Variants in NUP214 observed in about 807,000 individuals in gnomAD.
NUP214 encodes the protein nucleoporin 214, also known as nuclear pore complex protein Nup214.
A neutral mutation model predicts 196.2 loss-of-function variants in NUP214; 79 were observed. The ratio of observed to expected loss-of-function variants is 0.40; its 90% CI spans 0.34 to 0.49. The LOEUF is 0.49. NUP214 is among the 20% of genes least tolerant of loss of function. The pLI, the probability that NUP214 is intolerant of heterozygous loss-of-function variation, is 0.58. For synonymous variants in NUP214, 1,020 were observed against 990.5 expected, an observed-to-expected ratio of 1.03 and a Z score of -0.56; for missense variants, 2,468 against 2,539.0, an observed-to-expected ratio of 0.97 and a Z score of 0.60.
At chr9:131,151,555 A>G (rs946755692) in intron 16 of NUP214, among the ~76,000 whole-genome samples, 181 bp from the exon 17 acceptor site, 9 of 152,248 alleles carry the variant, frequency 5.9e-5, no homozygotes, top group African/African-American at 2.2e-4. Context: ...TGAAAAATAA[A>G]TATAAAAAAA....
Position 131,129,400 on chromosome 9 carries a change from G to C in NUP214, c.515G>C (p.Gly172Ala). ...ATGGTGGCAGTTTGTCTGGCTGATG[G>C]TAGTATTGCTGTCCTGCAAGTCACG... is the stretch of plus-strand genomic sequence containing the variant. The part of the protein sequence containing the change: ...PSMVAVCLAD[G>A]SIAVLQVTET... Residue 172 changes from glycine (G) to alanine (A), a missense_variant, in exon 4 of 36, where the codon GGT (glycine) becomes GCT (alanine). This residue lies in a region of NUP214 where 392 missense variants were observed against 417.9 expected (regional missense o/e 0.94). Coordinates refer to ENST00000359428, the MANE Select transcript of NUP214 (RefSeq NM_005085.4). The C allele has an allele frequency of 6.2e-7, 1 of 1,614,186 alleles. No individual in the cohort carries two copies. Among genetic ancestry groups the C allele is most frequent in the South Asian group, 1.1e-5 (1 of 91,086 alleles).
intron 21 of NUP214, chr9:131,164,520 G>A (rs1218359966): frequency 6.1e-6 from 1 of 164,066 alleles, no homozygotes; most frequent in African/African-American, 2.4e-5. Flanking sequence ...TGGGTTTTGA[G>A]TAAGTTTGCA....
intron 24 of NUP214, among the ~76,000 whole-genome samples, chr9:131,183,473 G>A (rs1360041605): frequency 1.3e-5 from 2 of 152,168 alleles, no homozygotes; most frequent in Non-Finnish European, 2.9e-5. Context: ...TCATTCCTGT[G>A]TCTGGTCCCA....
Position 131,125,597 on chromosome 9 carries a change from C to G in NUP214, c.-108C>G. 1.3e-6 allele frequency: 2 copies of G among 1,548,108 alleles called. No homozygotes were observed. Among genetic ancestry groups the G allele is most frequent in the Non-Finnish European group, 1.7e-6 (2 of 1,145,006 alleles). ...CGCGCCGGAAATGCGAGGTCAACTG[C>G]GCGCCGCTGGCGCTGAGGGGAGGAA... On this transcript the variant is annotated 5_prime_UTR_variant, in exon 1 of 36. Transcript: ENST00000359428. This position sits in a 1 kb window ranked among gnomAD's most constrained non-coding sequence, Gnocchi z 4.1.
At chr9:131,156,155 C>T (rs1832432141) in intron 17 of NUP214, among the ~76,000 whole-genome samples, 1 of 117,558 alleles carries the variant, frequency 8.5e-6, no homozygotes, top group Non-Finnish European at 1.7e-5. Context: ...TTTTTTGAGA[C>T]GGAGTCTTGC....
At chr9:131,128,066 C>A (rs1023018180) in intron 2 of NUP214, among the ~76,000 whole-genome samples, 4 of 152,148 alleles carry the variant, frequency 2.6e-5, no homozygotes, top group African/African-American at 9.7e-5. Flanking sequence ...GCAAGGTGTA[C>A]TATTTAGAGC....
At chr9:131,208,220 G>C (rs1383217786) in intron 30 of NUP214, among the ~76,000 whole-genome samples, 1 of 152,122 alleles carries the variant, frequency 6.6e-6, no homozygotes, top group Non-Finnish European at 1.5e-5. Context: ...ATTCTGCTCT[G>C]GGGTAGAATA....
At chr9:131,170,506 G>A (rs1012113905) in intron 21 of NUP214, among the ~76,000 whole-genome samples, 4 of 152,112 alleles carry the variant, frequency 2.6e-5, no homozygotes, top group African/African-American at 4.8e-5. Context: ...TGTTTTCTGC[G>A]TGGGAGACAT....
intron 5 of NUP214, among the ~76,000 whole-genome samples, chr9:131,131,452 G>A (rs887859159): frequency 6.6e-6 from 1 of 152,220 alleles, no homozygotes; most frequent in Non-Finnish European, 1.5e-5. Context: ...TTCACAGGTG[G>A]TGCTAAGGCC....
At chr9:131,155,812 G>A (rs1025918423) in intron 17 of NUP214, among the ~76,000 whole-genome samples, 3 of 152,064 alleles carry the variant, frequency 2.0e-5, no homozygotes, top group Non-Finnish European at 4.4e-5. Flanking sequence ...TTATTTCTGG[G>A]TTCTCTATTC....
At chr9:131,180,360 T>TC (rs1205488769) in intron 24 of NUP214, among the ~76,000 whole-genome samples, 1 of 152,186 alleles carries the variant, frequency 6.6e-6, no homozygotes, top group African/African-American at 2.4e-5. Flanking sequence ...CTGCCACCCC[T>TC]CCCCAGGAAA....
Position 131,192,292 on chromosome 9 carries a change from G to A in NUP214, c.3659G>A (p.Gly1220Glu), listed in dbSNP as rs1264077836. Residue 1220 changes from glycine (G) to glutamate (E), a missense_variant and splice_region_variant, in exon 27 of 36, where the codon GGG becomes GAG. Gly to Glu is a moderately conservative substitution (Grantham distance 98). Coordinates refer to ENST00000359428, the MANE Select transcript of NUP214 (RefSeq NM_005085.4). The part of the protein sequence containing the change: ...FSKPFSFSPS[G>E]TGFNFGIITP... ...AAGCCTTTCTCATTTTCTCCATCAG[G>A]GTCAGTAATGAACTTAAGTTTTATG... 4 of 1,564,796 alleles carry A rather than the reference G, an allele frequency of 2.6e-6. No individual in the cohort carries two copies. The highest frequency in any genetic ancestry group is 1.2e-5 in the South Asian group (1 of 86,508).
At chr9:131,227,307 C>G (rs905118810) in intron 32 of NUP214, among the ~76,000 whole-genome samples, 1 of 152,218 alleles carries the variant, frequency 6.6e-6, no homozygotes, top group Non-Finnish European at 1.5e-5. Context: ...CTCTGGCAGC[C>G]TGAGCCCACT....
chr9:131,206,354 C>T (rs545283867), intron 30 of NUP214, among the ~76,000 whole-genome samples: 50 of 151,600 alleles, frequency 3.3e-4, no homozygotes, highest in Non-Finnish European at 5.9e-4. Context: ...ACATGTTGCC[C>T]AGGCTGGTCT....
intron 21 of NUP214, among the ~76,000 whole-genome samples, chr9:131,166,503 T>TG (rs1459657591): frequency 5.0e-4 from 76 of 152,340 alleles, no homozygotes; most frequent in Middle Eastern, 3.4e-3. Flanking sequence ...ATTAAGCAGA[T>TG]AACTGCACAT....
At chr9:131,230,534 G>A (rs759309109) in intron 33 of NUP214, 96 bp from the exon 34 acceptor site, 28 of 1,426,554 alleles carry the variant, frequency 2.0e-5, no homozygotes, top group Middle Eastern at 2.5e-4. Flanking sequence ...CATGAGTGTC[G>A]TGTGTATTGG....
intron 24 of NUP214, among the ~76,000 whole-genome samples, chr9:131,183,083 C>T (rs1833333373): frequency 6.6e-6 from 1 of 152,184 alleles, no homozygotes; most frequent in South Asian, 2.1e-4. Flanking sequence ...AGTTGACTAT[C>T]TTTCCTCCCC....
At chr9:131,145,820 A>C (rs907104290) in intron 12 of NUP214, among the ~76,000 whole-genome samples, 3 of 152,080 alleles carry the variant, frequency 2.0e-5, no homozygotes, top group Non-Finnish European at 4.4e-5. Context: ...CCTGTTTAAA[A>C]CTCAGCTGGA....
chr9:131,143,999 A>T (rs1832007059), intron 11 of NUP214, among the ~76,000 whole-genome samples: 1 of 152,202 alleles, frequency 6.6e-6, no homozygotes, highest in Non-Finnish European at 1.5e-5. Flanking sequence ...TTGTTAATGA[A>T]ATGTTGCAGT....
Sources: allele counts gnomAD v4.1 joint callset (sites outside exome capture counted in the v4.1 genomes callset), GRCh38; gene constraint gnomAD v4.1.1; regional missense constraint gnomAD v4.1.1; non-coding constraint Gnocchi (gnomAD v3.1); transcripts MANE v1.5; gene names NCBI Gene and HGNC (gene_info 2026-07-23, HGNC 2026-07-21).